Variants in TRIM69 observed in about 807,000 individuals in gnomAD.
The protein encoded by TRIM69 is tripartite motif containing 69.
A neutral mutation model predicts 37.7 loss-of-function variants in TRIM69; 29 were observed. The ratio of observed to expected loss-of-function variants is 0.77; its 90% CI spans 0.57 to 1.05. The LOEUF is 1.05. TRIM69 is among the 50% of genes least tolerant of loss of function. The probability of loss-of-function intolerance (pLI) is 0.00; values close to 1 mark genes in which losing one functional copy is unlikely to be tolerated. For missense variants in TRIM69, 596 were observed against 579.9 expected, an observed-to-expected ratio of 1.03 and a Z score of -0.28; for synonymous variants, 209 against 212.4, an observed-to-expected ratio of 0.98 and a Z score of 0.14.
intron 6 of TRIM69, among the ~76,000 whole-genome samples, chr15:44,762,188 G>C (rs572869850): frequency 6.6e-6 from 1 of 152,058 alleles, no homozygotes; most frequent in Non-Finnish European, 1.5e-5. Flanking sequence ...GGATGGTCTC[G>C]ATCACCTGAC....
At chr15:44,741,141 T>C (rs1291213842) in intron 1 of TRIM69, among the ~76,000 whole-genome samples, 1 of 151,874 alleles carries the variant, frequency 6.6e-6, no homozygotes, top group South Asian at 2.1e-4. Context: ...GCAATCAAAC[T>C]AGAACTCAGG....
At chr15:44,740,163 T>C (rs932959382) in intron 1 of TRIM69, among the ~76,000 whole-genome samples, 4 of 152,220 alleles carry the variant, frequency 2.6e-5, no homozygotes, top group African/African-American at 9.6e-5. Flanking sequence ...GACCTGCAGC[T>C]GAGGGTCCTG....
intron 1 of TRIM69, among the ~76,000 whole-genome samples, chr15:44,745,882 A>G (rs1348313052): frequency 6.6e-6 from 1 of 152,184 alleles, no homozygotes; most frequent in Admixed American, 6.5e-5. Context: ...ATGAATAAAA[A>G]TGAGCAGAGC....
chr15:44,739,332 C>A (rs959470278), intron 1 of TRIM69, among the ~76,000 whole-genome samples: 6 of 152,230 alleles, frequency 3.9e-5, no homozygotes, highest in East Asian at 3.8e-4. Context: ...GCATTTCCAT[C>A]TGAGGTACCA....
chr15:44,756,991 A>G (rs1310091833), intron 3 of TRIM69: 3 of 152,198 alleles, frequency 2.0e-5, no homozygotes, highest in African/African-American at 7.2e-5. Context: ...TAATGGCTAG[A>G]GCTTTGGCAA....
In TRIM69 at chr15:44,755,118, A is replaced by G; in HGVS notation, c.225A>G (p.Glu75=). The change falls in exon 2 of 7, where the codon GAA becomes GAG. Residue 75 remains glutamate (E), a synonymous_variant. Transcript: ENST00000329464. ...ACTTTTGGAGGCTGCAAGCAAAGGAAACATTCTGTCCTGAGTGTAAGATGC... is the reference window on the plus strand; with the variant it reads ...ACTTTTGGAGGCTGCAAGCAAAGGAGACATTCTGTCCTGAGTGTAAGATGC... ...IQDFWRLQAK[E]TFCPECKMLC... is the part of the protein sequence containing the mutation. 1.2e-6 allele frequency: 2 copies of G among 1,614,222 alleles called. No individual in the cohort carries two copies. Among genetic ancestry groups the G allele is most frequent in the Non-Finnish European group, 1.7e-6 (2 of 1,180,030 alleles).
At chr15:44,746,639 T>C (rs1470081604) in intron 1 of TRIM69, among the ~76,000 whole-genome samples, 1 of 152,154 alleles carries the variant, frequency 6.6e-6, no homozygotes, top group Non-Finnish European at 1.5e-5. Context: ...TTTGTTATCT[T>C]TCAGGAAAGG....
chr15:44,744,463 A>T (rs180784416), intron 1 of TRIM69, among the ~76,000 whole-genome samples: 19 of 151,928 alleles, frequency 1.3e-4, no homozygotes, highest in African/African-American at 4.1e-4. Context: ...TAATAATAAT[A>T]AAAAAAATGG....
chr15:44,758,537 G>T (rs1440357692), intron 3 of TRIM69, 84 bp from the exon 4 acceptor site: 23 of 1,556,518 alleles, frequency 1.5e-5, no homozygotes, highest in Middle Eastern at 1.7e-4. Flanking sequence ...TATTTACCAA[G>T]TGTGTGAGTG....
intron 1 of TRIM69, among the ~76,000 whole-genome samples, chr15:44,739,700 C>A (rs1253919972): frequency 6.6e-6 from 1 of 152,060 alleles, no homozygotes; most frequent in East Asian, 1.9e-4. Flanking sequence ...ATTGCCCAGG[C>A]TTGCTTAGGT....
rs370860462 is a variant in TRIM69 at position 44,755,527 on chromosome 15, C to G, written c.483+151C>G. On this transcript the variant is annotated intron_variant, in intron 2 of 6. Coordinates refer to ENST00000329464, the MANE Select transcript of TRIM69 (RefSeq NM_182985.5). ...AAAGTACAACGTATCTTGCAAAGTTCTTTTTCTAGAGTTGCTGCTTATAGG... is the reference window on the plus strand; with the variant it reads ...AAAGTACAACGTATCTTGCAAAGTTGTTTTTCTAGAGTTGCTGCTTATAGG... 1.9e-3 allele frequency: 1,261 copies of G among 666,052 alleles called. 26 individuals are homozygous for G. In the South Asian group the frequency reaches 0.023, roughly 12 times the overall value. The allele number at this position is 666,052 out of a possible 1,614,324, so 41.3% of individuals were successfully genotyped here.
At chr15:44,761,714 C>T (rs1003104048) in intron 6 of TRIM69, among the ~76,000 whole-genome samples, 5 of 152,206 alleles carry the variant, frequency 3.3e-5, no homozygotes, top group African/African-American at 1.2e-4. Flanking sequence ...ATCCATCCAC[C>T]TCAGCCTCCT....
intron 1 of TRIM69, chr15:44,752,809 G>C (rs2087563270): frequency 6.6e-6 from 1 of 151,476 alleles, no homozygotes; most frequent in Non-Finnish European, 1.5e-5. Flanking sequence ...GTTACCCAGG[G>C]GGTTATAATT....
intron 1 of TRIM69, among the ~76,000 whole-genome samples, chr15:44,748,596 G>A (rs1379136727): frequency 2.0e-5 from 3 of 151,904 alleles, no homozygotes; most frequent in African/African-American, 4.8e-5. Context: ...AGGCCAAGGT[G>A]GGTGGATCAC....
chr15:44,766,452 G>A (rs2087889493), intron 6 of TRIM69, among the ~76,000 whole-genome samples: 1 of 152,124 alleles, frequency 6.6e-6, no homozygotes, highest in Admixed American at 6.5e-5. Context: ...TAACAGGCAA[G>A]CTCTTGTGTT....
chr15:44,737,018 T>C (rs1420447111), intron 1 of TRIM69, among the ~76,000 whole-genome samples: 4 of 152,218 alleles, frequency 2.6e-5, no homozygotes, highest in Non-Finnish European at 5.9e-5. Context: ...AAAATTATTA[T>C]GTATAACTTG....
chr15:44,754,300 T>TATTTTTAGTAGAG (rs1185116420), intron 1 of TRIM69: 1 of 152,248 alleles, frequency 6.6e-6, no homozygotes, highest in Non-Finnish European at 1.5e-5. Context: ...CTAATTTTTG[T>TATTTTTAGTAGAG]ATTTTTAGTA....
intron 1 of TRIM69, among the ~76,000 whole-genome samples, chr15:44,748,097 T>C (rs749775003): frequency 6.6e-6 from 1 of 152,224 alleles, no homozygotes; most frequent in Non-Finnish European, 1.5e-5. Context: ...AAGTTCGTAC[T>C]CCTCTGAGCT....
At chr15:44,746,533 T>G (rs1020867462) in intron 1 of TRIM69, among the ~76,000 whole-genome samples, 1 of 152,226 alleles carries the variant, frequency 6.6e-6, no homozygotes, top group East Asian at 1.9e-4. Context: ...AAATCAATCT[T>G]AGTTTAAAAC....
Sources: gnomAD v4.1 joint callset for allele counts (sites outside exome capture counted in the v4.1 genomes callset) on GRCh38, gnomAD v4.1.1 for gene constraint, MANE v1.5 for transcripts, NCBI Gene and HGNC (gene_info 2026-07-23, HGNC 2026-07-21) for gene names.